Variants in CXCL13 observed in about 807,000 individuals in gnomAD.
CXCL13 encodes the protein C-X-C motif chemokine ligand 13.
Under a neutral mutation model 12.2 loss-of-function variants are expected in CXCL13, and 7 were observed. The ratio of observed to expected loss-of-function variants is 0.57; its 90% CI spans 0.33 to 1.07. The LOEUF (loss-of-function observed/expected upper bound fraction) is 1.07, where lower values mean the gene tolerates loss of function less well. CXCL13 is among the 50% of genes least tolerant of loss of function. The probability of loss-of-function intolerance (pLI) is 0.04; values close to 1 mark genes in which losing one functional copy is unlikely to be tolerated. For missense variants in CXCL13, 113 were observed against 127.4 expected (o/e 0.89, Z 0.55); for synonymous variants, 47 against 42.4 (o/e 1.11, Z -0.42).
intron 1 of CXCL13, among the ~76,000 whole-genome samples, chr4:77,548,008 A>T (rs1293517577): frequency 6.6e-6 from 1 of 152,092 alleles, no homozygotes; most frequent in Non-Finnish European, 1.5e-5. Context: ...GTTTGGCTGG[A>T]TATGAAATTC....
At chr4:77,518,745 C>T (rs950437179) in intron 1 of CXCL13, among the ~76,000 whole-genome samples, 32 of 152,050 alleles carry the variant, frequency 2.1e-4, no homozygotes, top group Non-Finnish European at 2.9e-5. Context: ...TTTGAATTTC[C>T]TCCTGTAGCT....
intron 1 of CXCL13, among the ~76,000 whole-genome samples, chr4:77,555,675 G>T (rs996932478): frequency 2.0e-4 from 31 of 151,940 alleles, no homozygotes; most frequent in Admixed American, 1.4e-3. Flanking sequence ...TATTTCAAAA[G>T]TCACCTTTAA....
chr4:77,604,218 C>T (rs1726952538), upstream of CXCL13, among the ~76,000 whole-genome samples: 2 of 152,158 alleles, frequency 1.3e-5, no homozygotes, highest in Non-Finnish European at 2.9e-5. Flanking sequence ...AGAGTCTGAA[C>T]ATTTCTGCCC....
chr4:77,538,745 G>C (rs1725128524), intron 1 of CXCL13, among the ~76,000 whole-genome samples: 1 of 152,100 alleles, frequency 6.6e-6, no homozygotes, highest in Non-Finnish European at 1.5e-5. Flanking sequence ...GGATAATCAG[G>C]TCTCACCAAA....
chr4:77,519,860 A>G (rs1266579434), intron 1 of CXCL13, among the ~76,000 whole-genome samples: 1 of 152,180 alleles, frequency 6.6e-6, no homozygotes, highest in Admixed American at 6.5e-5. Flanking sequence ...CTAACATTTA[A>G]GTCTTTAATC....
At chr4:77,530,097 G>A (rs1053668420) in intron 1 of CXCL13, among the ~76,000 whole-genome samples, 10 of 152,114 alleles carry the variant, frequency 6.6e-5, no homozygotes, top group African/African-American at 2.4e-4. Flanking sequence ...TGCATATGTT[G>A]AACCAGCCTT....
chr4:77,525,245 C>T (rs1724733125), intron 1 of CXCL13, among the ~76,000 whole-genome samples: 1 of 152,224 alleles, frequency 6.6e-6, no homozygotes, highest in Non-Finnish European at 1.5e-5. Flanking sequence ...TGTCTCAGAG[C>T]ACACCGACTG....
chr4:77,604,604 G>A (rs975883595), upstream of CXCL13, among the ~76,000 whole-genome samples: 6 of 151,866 alleles, frequency 4.0e-5, no homozygotes, highest in Non-Finnish European at 5.9e-5. Context: ...GAAGAACATC[G>A]TAACAACTAG....
At chr4:77,551,372 C>G (rs1725516947) in intron 1 of CXCL13, among the ~76,000 whole-genome samples, 1 of 152,186 alleles carries the variant, frequency 6.6e-6, no homozygotes, top group African/African-American at 2.4e-5. Flanking sequence ...TTCTCCTTCA[C>G]TTATGAAGCT....
rs2109810571 is a variant in CXCL13 at position 77,557,635 on chromosome 4, G to A, written c.-43+45847G>A. Among the ~76,000 whole-genome samples, 3 of 152,302 alleles carry A rather than the reference G, an allele frequency of 2.0e-5. No individual in the cohort carries two copies. The Middle Eastern group carries it at 0.01, about 518-fold the overall frequency. ...ATTGCCATTACCTGGCTTCTGATGAGTAAGAACCACCACCTGTTTTCTATT... is the reference window on the plus strand; with the variant it reads ...ATTGCCATTACCTGGCTTCTGATGAATAAGAACCACCACCTGTTTTCTATT... On this transcript the variant is annotated intron_variant, in intron 1 of 4. Coordinates refer to the CXCL13 transcript ENST00000286758.
chr4:77,521,500 G>C (rs186539792), intron 1 of CXCL13, among the ~76,000 whole-genome samples: 1 of 152,286 alleles, frequency 6.6e-6, no homozygotes, highest in East Asian at 1.9e-4. Context: ...TGGTTTATTT[G>C]TGTAGAGGTG....
At chr4:77,594,857 C>T (rs1446763668) in intron 1 of CXCL13, among the ~76,000 whole-genome samples, 2 of 152,130 alleles carry the variant, frequency 1.3e-5, no homozygotes, top group African/African-American at 2.4e-5. Context: ...CACCACAGCA[C>T]CTGTTTACCT....
chr4:77,561,642 T>A (rs973315999), intron 1 of CXCL13, among the ~76,000 whole-genome samples: 1 of 152,230 alleles, frequency 6.6e-6, no homozygotes, highest in Non-Finnish European at 1.5e-5. Flanking sequence ...CCTGCCTATA[T>A]GTCCCTGCCC....
chr4:77,557,589 T>C (rs1272128937), intron 1 of CXCL13, among the ~76,000 whole-genome samples: 2 of 152,220 alleles, frequency 1.3e-5, no homozygotes, highest in Non-Finnish European at 2.9e-5. Context: ...ATTCATTACA[T>C]TTTGTCCTTG....
At chr4:77,539,202 T>C (rs1725141724) in intron 1 of CXCL13, among the ~76,000 whole-genome samples, 2 of 152,090 alleles carry the variant, frequency 1.3e-5, no homozygotes, top group African/African-American at 4.8e-5. Flanking sequence ...TAACTGGGAT[T>C]ACAGGCATGC....
chr4:77,599,804 A>G (rs1726851245), intron 1 of CXCL13, among the ~76,000 whole-genome samples: 1 of 152,202 alleles, frequency 6.6e-6, no homozygotes, highest in Non-Finnish European at 1.5e-5. Context: ...GCAGTGTGGA[A>G]AGTGGATTGG....
At chr4:77,575,086 G>GGTT (rs1726172053) in intron 1 of CXCL13, among the ~76,000 whole-genome samples, 1 of 151,778 alleles carries the variant, frequency 6.6e-6, no homozygotes, top group South Asian at 2.1e-4. Flanking sequence ...AAATTCAAAA[G>GGTT]GTTATTGTAT....
chr4:77,567,884 A>G (rs1284816389), intron 1 of CXCL13, among the ~76,000 whole-genome samples: 1 of 152,186 alleles, frequency 6.6e-6, no homozygotes, highest in Non-Finnish European at 1.5e-5. Context: ...TTCAAAAATA[A>G]CCATAAAAAT....
At chr4:77,570,236 G>A (rs1209490316) in intron 1 of CXCL13, among the ~76,000 whole-genome samples, 1 of 152,164 alleles carries the variant, frequency 6.6e-6, no homozygotes, top group African/African-American at 2.4e-5. Flanking sequence ...GATGCCAAAA[G>A]CAATTGCAAC....
Sources: allele counts gnomAD v4.1 joint callset (sites outside exome capture counted in the v4.1 genomes callset), GRCh38; gene constraint gnomAD v4.1.1; transcripts MANE v1.5; gene names NCBI Gene and HGNC (gene_info 2026-07-23, HGNC 2026-07-21).